The following STK32B variants were observed in gnomAD, a reference collection of about 807,000 sequenced individuals.
STK32B encodes the protein serine/threonine-protein kinase 32B.
A neutral mutation model predicts 52.6 loss-of-function variants in STK32B; 43 were observed. The observed-to-expected ratio is 0.82, with a 90% CI of 0.64 to 1.05. The LOEUF is 1.05. Ranked by LOEUF, STK32B falls within the 50% of genes least tolerant of loss-of-function variation. The probability of loss-of-function intolerance (pLI) is 0.00; values close to 1 mark genes in which losing one functional copy is unlikely to be tolerated. For missense variants in STK32B, 621 were observed against 534.6 expected, an observed-to-expected ratio of 1.16 and a Z score of -1.59; for synonymous variants, 238 against 204.3, an observed-to-expected ratio of 1.17 and a Z score of -1.41.
intron 1 of STK32B, among the ~76,000 whole-genome samples, chr4:5,086,902 G>C (rs1262794667): frequency 6.6e-6 from 1 of 152,172 alleles, no homozygotes; most frequent in Non-Finnish European, 1.5e-5. Context: ...AATTGAGTTT[G>C]TCACTAGTAG....
chr4:5,395,331 G>T lies in STK32B; in HGVS notation c.435-2876G>T, dbSNP rs1258012142. On this transcript the variant is annotated intron_variant, in intron 4 of 11. Coordinates refer to ENST00000282908, the MANE Select transcript of STK32B (RefSeq NM_018401.3). This position sits in a 1 kb window ranked among gnomAD's most constrained non-coding sequence, Gnocchi z 4.4. ...CTTCCATGGCTAGGACCACGTCACA[G>T]GTGAGATCATTTATTCTCTCATCCT... 3.9e-5 allele frequency among the ~76,000 whole-genome samples: 6 copies of T among 152,164 alleles called. No individual in the cohort carries two copies. Among genetic ancestry groups the T allele is most frequent in the African/African-American group, 9.7e-5 (4 of 41,440 alleles).
intron 3 of STK32B, among the ~76,000 whole-genome samples, chr4:5,171,424 G>A (rs904907591): frequency 2.7e-5 from 4 of 150,670 alleles, no homozygotes; most frequent in Admixed American, 1.3e-4. Flanking sequence ...TTTCTTCTAG[G>A]GTTTTTATGG....
chr4:5,162,360 CT>C (rs908982884), intron 2 of STK32B, among the ~76,000 whole-genome samples: 2 of 152,146 alleles, frequency 1.3e-5, no homozygotes, highest in African/African-American at 4.8e-5. Context: ...CCTCCTAGAG[CT>C]TTGGGTGTGC....
intron 4 of STK32B, among the ~76,000 whole-genome samples, chr4:5,390,121 G>A (rs1430469477): frequency 6.6e-6 from 1 of 152,244 alleles, no homozygotes; most frequent in South Asian, 2.1e-4. Flanking sequence ...GAGAATGAAG[G>A]TGTGTTGTTT....
At chr4:5,241,139 A>G (rs1422990688) in intron 3 of STK32B, among the ~76,000 whole-genome samples, 3 of 152,056 alleles carry the variant, frequency 2.0e-5, no homozygotes, top group Non-Finnish European at 4.4e-5. Context: ...TTAATATTAA[A>G]CCAGCTCTGC....
intron 3 of STK32B, among the ~76,000 whole-genome samples, chr4:5,312,267 T>A (rs1051333919): frequency 6.7e-6 from 1 of 150,188 alleles, no homozygotes; most frequent in Admixed American, 6.6e-5. Context: ...GTTTTTTTTT[T>A]ATTTTATTAT....
chr4:5,100,141 C>T (rs1421279623), intron 1 of STK32B, among the ~76,000 whole-genome samples: 1 of 152,220 alleles, frequency 6.6e-6, no homozygotes, highest in East Asian at 1.9e-4. Context: ...AGTGAGCAAT[C>T]CCTCTCGATG....
intron 3 of STK32B, among the ~76,000 whole-genome samples, chr4:5,318,701 C>T (rs1242296390): frequency 1.3e-5 from 2 of 152,178 alleles, no homozygotes; most frequent in East Asian, 3.8e-4. Context: ...ATTTGACTAA[C>T]TCCAAGTCCC....
Position 5,133,649 on chromosome 4 carries a change from A to C in STK32B, c.53-6256A>C, listed in dbSNP as rs540845378. Among the ~76,000 whole-genome samples the C allele has an allele frequency of 1.2e-4, 18 of 152,298 alleles. No individual in the cohort carries two copies. The South Asian group carries it at 3.7e-3, about 32-fold the overall frequency. On this transcript the variant is annotated intron_variant, in intron 1 of 11. Transcript: ENST00000282908. ...AAATAATCGCCATCATTATATGCTG[A>C]TTATATAATAGTCTTATTCCAAGAA...
intron 3 of STK32B, among the ~76,000 whole-genome samples, chr4:5,196,376 C>T (rs1721667725): frequency 7.2e-6 from 1 of 138,526 alleles, no homozygotes; most frequent in African/African-American, 2.7e-5. Flanking sequence ...GGGGGGCCCA[C>T]CTCATAGTTT....
intron 8 of STK32B, among the ~76,000 whole-genome samples, chr4:5,457,358 G>C (rs1716640323): frequency 6.6e-6 from 1 of 151,430 alleles, no homozygotes; most frequent in Admixed American, 6.6e-5. Context: ...TGGGACTACA[G>C]GCACCCGCCA....
intron 3 of STK32B, among the ~76,000 whole-genome samples, chr4:5,313,689 T>C (rs1730467426): frequency 6.6e-6 from 1 of 152,100 alleles, no homozygotes; most frequent in African/African-American, 2.4e-5. Context: ...GACAGCAAGG[T>C]TGTGGTCTAC....
chr4:5,428,337 G>A (rs1309851193), intron 6 of STK32B, among the ~76,000 whole-genome samples: 2 of 152,042 alleles, frequency 1.3e-5, no homozygotes, highest in African/African-American at 2.4e-5. Flanking sequence ...GAACCCGGGA[G>A]GTGGAGCTTG....
chr4:5,419,987 A>G (rs1712486910), intron 6 of STK32B, among the ~76,000 whole-genome samples: 1 of 152,218 alleles, frequency 6.6e-6, no homozygotes, highest in Non-Finnish European at 1.5e-5. Context: ...TTCCACCTAT[A>G]ATTTCATTTA....
intron 3 of STK32B, among the ~76,000 whole-genome samples, chr4:5,199,001 C>T (rs1721915774): frequency 6.6e-6 from 1 of 152,098 alleles, no homozygotes; most frequent in East Asian, 1.9e-4. Flanking sequence ...CCATTTTGTC[C>T]ACACCCTTCA....
intron 7 of STK32B, 44 bp from the exon 8 acceptor site, chr4:5,456,763 C>CA (rs1716558239): frequency 6.7e-7 from 1 of 1,495,492 alleles, no homozygotes; most frequent in African/African-American, 1.4e-5. Context: ...CGGTGCCTTC[C>CA]AATGGCTCTC....
At chr4:5,352,381 A>G (rs540285737) in intron 4 of STK32B, among the ~76,000 whole-genome samples, 22 of 152,122 alleles carry the variant, frequency 1.4e-4, no homozygotes, top group Non-Finnish European at 2.6e-4. Context: ...AAAGAATTTG[A>G]TAAAATTCAA....
chr4:5,061,515 T>C (rs1392244580), intron 1 of STK32B, among the ~76,000 whole-genome samples: 2 of 152,224 alleles, frequency 1.3e-5, no homozygotes, highest in Admixed American at 6.5e-5. Context: ...ATTTGCCTTT[T>C]TGTAAAAAAA....
chr4:5,249,566 A>G (rs1229238089), intron 3 of STK32B, among the ~76,000 whole-genome samples: 1 of 150,714 alleles, frequency 6.6e-6, no homozygotes, highest in Admixed American at 6.6e-5. Flanking sequence ...TTATATAAGC[A>G]TATGCAAGGG....
Sources: gnomAD v4.1 joint callset for allele counts (sites outside exome capture counted in the v4.1 genomes callset) on GRCh38, gnomAD v4.1.1 for gene constraint, Gnocchi (gnomAD v3.1) non-coding constraint, MANE v1.5 for transcripts, NCBI Gene and HGNC (gene_info 2026-07-23, HGNC 2026-07-21) for gene names.